The following BCL2 variants were observed in gnomAD, a reference collection of about 807,000 sequenced individuals.
BCL2 encodes the protein BCL2 apoptosis regulator, also known as apoptosis regulator Bcl-2.
BCL2 carries 1 observed loss-of-function variant against 14.2 expected under a neutral mutation model. The ratio of observed to expected loss-of-function variants is 0.07; its 90% CI spans 0.02 to 0.33. BCL2 has a LOEUF of 0.33. Among genes scored for constraint, BCL2 ranks in the 10% least tolerant of loss-of-function variants. The probability of loss-of-function intolerance (pLI) is 0.99; values close to 1 mark genes in which losing one functional copy is unlikely to be tolerated. For missense variants in BCL2, 247 were observed against 305.9 expected, an observed-to-expected ratio of 0.81 and a Z score of 1.44; for synonymous variants, 151 against 137.2, an observed-to-expected ratio of 1.10 and a Z score of -0.70.
At chr18:63,174,511 C>G (rs11877911) in intron 2 of BCL2, among the ~76,000 whole-genome samples, 14,475 of 152,148 alleles carry the variant, frequency 0.095, 1,215 homozygotes, top group African/African-American at 0.22. Context: ...ATGGTACATT[C>G]ATTTTCTGTT....
At chr18:63,238,385 G>C (rs1338594990) in intron 2 of BCL2, among the ~76,000 whole-genome samples, 3 of 152,126 alleles carry the variant, frequency 2.0e-5, no homozygotes, top group Non-Finnish European at 4.4e-5. Context: ...CAGAACTTTT[G>C]GATAATCAGT....
chr18:63,257,046 T>C (rs1234718475), intron 2 of BCL2, among the ~76,000 whole-genome samples: 1 of 152,228 alleles, frequency 6.6e-6, no homozygotes, highest in Non-Finnish European at 1.5e-5. Context: ...TACTATTTTG[T>C]TTTTCATGTT....
At chr18:63,138,640 G>T (rs1914273808) in intron 2 of BCL2, among the ~76,000 whole-genome samples, 1 of 152,244 alleles carries the variant, frequency 6.6e-6, no homozygotes, top group Non-Finnish European at 1.5e-5. Context: ...GTGCCTGGGG[G>T]TTGATCTTGG....
chr18:63,283,908 C>T (rs768937895), intron 2 of BCL2, among the ~76,000 whole-genome samples: 3 of 152,188 alleles, frequency 2.0e-5, no homozygotes, highest in Non-Finnish European at 4.4e-5. Context: ...ATCAAGAGCA[C>T]TTTTAAAATA....
In BCL2 at chr18:63,125,260, C is replaced by T. The variant is rs1219586509; in HGVS notation, c.*3365G>A. On this transcript the variant is annotated 3_prime_UTR_variant, in exon 3 of 3. Transcript: ENST00000333681. ...AAGTGAGCTGTGGAGAGAATGTTGG[C>T]GTCTTGTTTGAACTAAATTGAGGTG... 1.8e-5 allele frequency: 4 copies of T among 225,624 alleles called. No homozygotes were observed. Among genetic ancestry groups the T allele is most frequent in the Non-Finnish European group, 3.5e-5 (4 of 113,302 alleles). The allele number at this position is 225,624 out of a possible 1,614,324, so 14.0% of individuals were successfully genotyped here.
At chr18:63,261,251 T>C (rs1332767000) in intron 2 of BCL2, among the ~76,000 whole-genome samples, 2 of 152,072 alleles carry the variant, frequency 1.3e-5, no homozygotes, top group Non-Finnish European at 2.9e-5. Flanking sequence ...GGTGAACTAG[T>C]TTTCCAAGAG....
intron 2 of BCL2, among the ~76,000 whole-genome samples, chr18:63,253,281 GA>G (rs1242974253): frequency 1.3e-5 from 2 of 152,174 alleles, no homozygotes; most frequent in African/African-American, 4.8e-5. Flanking sequence ...AATCCAGGCA[GA>G]CCATCTCCAG....
At chr18:63,294,033 T>C (rs1599295556) in intron 2 of BCL2, among the ~76,000 whole-genome samples, 1 of 152,026 alleles carries the variant, frequency 6.6e-6, no homozygotes, top group African/African-American at 2.4e-5. Flanking sequence ...AGCAAAAGCC[T>C]GTCATTCTTA....
intron 2 of BCL2, among the ~76,000 whole-genome samples, chr18:63,262,714 C>T (rs1450812871): frequency 6.6e-6 from 1 of 152,124 alleles, no homozygotes; most frequent in Non-Finnish European, 1.5e-5. Context: ...CAAATACCAC[C>T]ACTACCCAAA....
chr18:63,207,363 T>G (rs1909866430), intron 2 of BCL2, among the ~76,000 whole-genome samples: 1 of 152,216 alleles, frequency 6.6e-6, no homozygotes, highest in Non-Finnish European at 1.5e-5. Context: ...AAGTGTTTGT[T>G]GAAGGAAGTT....
intron 2 of BCL2, among the ~76,000 whole-genome samples, chr18:63,130,481 A>G (rs1914035220): frequency 6.6e-6 from 1 of 152,190 alleles, no homozygotes. Flanking sequence ...TGTTCACTTA[A>G]GCTTTCTGAA....
At chr18:63,212,653 G>T (rs1056619833) in intron 2 of BCL2, among the ~76,000 whole-genome samples, 4 of 152,052 alleles carry the variant, frequency 2.6e-5, no homozygotes, top group African/African-American at 9.7e-5. Context: ...CAGGCGGGCG[G>T]ATCACGAGGT....
intron 2 of BCL2, among the ~76,000 whole-genome samples, chr18:63,285,583 G>A (rs1048953102): frequency 6.6e-6 from 1 of 152,196 alleles, no homozygotes; most frequent in African/African-American, 2.4e-5. Flanking sequence ...ACTGGATGGG[G>A]GATGTGTTCA....
At chr18:63,246,674 C>T (rs549727201) in intron 2 of BCL2, among the ~76,000 whole-genome samples, 2 of 152,184 alleles carry the variant, frequency 1.3e-5, no homozygotes, top group Non-Finnish European at 2.9e-5. Flanking sequence ...AACCATATCA[C>T]CATCCTCCCC....
chr18:63,176,149 A>T (rs1365506619), intron 2 of BCL2, among the ~76,000 whole-genome samples: 1 of 152,230 alleles, frequency 6.6e-6, no homozygotes, highest in Non-Finnish European at 1.5e-5. Flanking sequence ...ATTTTCCTTT[A>T]TTAGCATGGG....
At chr18:63,193,915 A>G (rs1200641587) in intron 2 of BCL2, among the ~76,000 whole-genome samples, 1 of 152,258 alleles carries the variant, frequency 6.6e-6, no homozygotes. Context: ...ATCTGTAAAA[A>G]ATAAAAATAA....
chr18:63,148,659 A>G (rs28564323), intron 2 of BCL2, among the ~76,000 whole-genome samples: 10,552 of 123,140 alleles, frequency 0.086, 748 homozygotes, highest in African/African-American at 0.19. Context: ...GGAATGTAGT[A>G]GGAAAAAAAA....
intron 2 of BCL2, among the ~76,000 whole-genome samples, chr18:63,201,558 C>T (rs981005024): frequency 1.3e-5 from 2 of 152,064 alleles, no homozygotes; most frequent in Non-Finnish European, 2.9e-5. Flanking sequence ...TTCACAATAG[C>T]GACGACTTGG....
chr18:63,210,822 C>G (rs1391851280), intron 2 of BCL2, among the ~76,000 whole-genome samples: 1 of 152,042 alleles, frequency 6.6e-6, no homozygotes, highest in Non-Finnish European at 1.5e-5. Flanking sequence ...GCAGCTTAGC[C>G]CTACCCTGGA....
Sources: allele counts gnomAD v4.1 joint callset (sites outside exome capture counted in the v4.1 genomes callset), GRCh38; gene constraint gnomAD v4.1.1; transcripts MANE v1.5; gene names NCBI Gene and HGNC (gene_info 2026-07-23, HGNC 2026-07-21).